The following SFI1 variants were observed in gnomAD, a reference collection of about 807,000 sequenced individuals.
SFI1 encodes SFI1 centrin binding protein, also known as protein SFI1 homolog.
SFI1 carries 195 observed loss-of-function variants against 207.5 expected under a neutral mutation model. The ratio of observed to expected loss-of-function variants is 0.94; its 90% confidence interval spans 0.84 to 1.06. SFI1 has a LOEUF of 1.06. Among genes scored for constraint, SFI1 ranks in the 50% least tolerant of loss-of-function variants. The pLI, the probability that SFI1 is intolerant of heterozygous loss-of-function variation, is 0.00. For missense variants in SFI1, 1,634 were observed against 1,588.0 expected (o/e 1.03, Z -0.49); for synonymous variants, 630 against 598.9 (o/e 1.05, Z -0.76).
At chr22:31,614,685 CCTGA>C in intron 27 of SFI1, 100 bp from the exon 28 acceptor site, 1 of 1,369,586 alleles carries the variant, frequency 7.3e-7, no homozygotes, top group Non-Finnish European at 1.0e-6. Flanking sequence ...CCTCGCCTTT[CCTGA>C]CTTTCAGTCT....
chr22:31,572,529 G>T (rs1454025722), intron 8 of SFI1, among the ~76,000 whole-genome samples: 2 of 151,862 alleles, frequency 1.3e-5, no homozygotes, highest in African/African-American at 2.4e-5. Context: ...TTTTGAGTTG[G>T]TCGCTCTTGT....
intron 8 of SFI1, among the ~76,000 whole-genome samples, chr22:31,567,820 C>G (rs992185264): frequency 6.6e-6 from 1 of 152,010 alleles, no homozygotes; most frequent in Non-Finnish European, 1.5e-5. Context: ...ACGAACATAT[C>G]AAGTTTGTGG....
intron 21 of SFI1, among the ~76,000 whole-genome samples, chr22:31,606,932 A>G (rs1382098614): frequency 1.3e-5 from 2 of 151,938 alleles, no homozygotes; most frequent in African/African-American, 2.4e-5. Flanking sequence ...TGATGACCTC[A>G]GGTGATCCAT....
rs2070834924 is a variant in SFI1, at chr22:31,613,833, G to A, written c.2974G>A (p.Glu992Lys). ...GGGAGCTCTGGGCCGCCTGGCTGCT[G>A]AGGAGCCCCACGCCCTGGAGCTGTG... ...PLGALGRLAA[E>K]EPHALELNTA... The change falls in exon 27 of 33, where the codon GAG (glutamate) becomes AAG (lysine). Residue 992 changes from glutamate (E) to lysine (K), a missense_variant. By Grantham distance (56) the Glu-to-Lys change is moderately conservative. Transcript: ENST00000400288. The A allele has an allele frequency of 6.2e-7, 1 of 1,608,228 alleles. No homozygotes were observed. The highest frequency in any genetic ancestry group is 8.5e-7 in the Non-Finnish European group (1 of 1,177,604).
chr22:31,578,953 G>A (rs2063797619), intron 11 of SFI1, among the ~76,000 whole-genome samples: 1 of 152,168 alleles, frequency 6.6e-6, no homozygotes, highest in East Asian at 1.9e-4. Context: ...GCATGGGGAA[G>A]TATGGGCAAA....
Position 31,583,817 on chromosome 22 carries a change from A to G in SFI1, c.1249-58A>G. On this transcript the variant is annotated intron_variant, in intron 12 of 32. Transcript: ENST00000400288. ...GAGCTCACAGTCTGTTGGAGTAAGG[A>G]TTCACTGTTTTACCTTTCATCTCAG... is the stretch of plus-strand genomic sequence containing the variant. The G allele has an allele frequency of 2.0e-6, 3 of 1,466,962 alleles. No individual in the cohort carries two copies. The East Asian group carries it at 6.8e-5, about 33-fold the overall frequency. 90.9% of individuals were successfully genotyped at this position (1,466,962 alleles called of 1,614,324 possible). A position where few individuals can be genotyped will look rare whatever the true frequency, so the allele number is the denominator to read the frequency against.
rs371501095 is a variant in SFI1 at position 31,611,164 on chromosome 22, A to G, written c.2276A>G (p.Gln759Arg). Residue 759 changes from glutamine (Q) to arginine (R), a missense_variant, in exon 23 of 33, where the codon CAG (glutamine) becomes CGG (arginine). Transcript: ENST00000400288. ...LDRGCLRTWF[Q>R]RWWDCSRRSA... ...TTAGGCTGTCTGCGGACCTGGTTTC[A>G]GCGCTGGTGGGACTGCAGCCGGAGG... 123 of 1,614,082 alleles carry G rather than the reference A, an allele frequency of 7.6e-5. No homozygotes were observed. Among genetic ancestry groups the G allele is most frequent in the Admixed American group, 3.7e-4 (22 of 60,010 alleles).
At position 31,585,147 on chromosome 22, in the gene SFI1, T is replaced by C. The variant is rs775981934; in HGVS notation, c.1413+13T>C. ...GCGGTACAAGCAGGTATGGAGTACT[T>C]TTTAGCAGATAGCTCTACTGGCTTA... On this transcript the variant is annotated intron_variant, in intron 14 of 32. Coordinates refer to ENST00000400288, the MANE Select transcript of SFI1 (RefSeq NM_001007467.3). The C allele has an allele frequency of 4.4e-6, 7 of 1,608,982 alleles. No individual in the cohort carries two copies. Among genetic ancestry groups the C allele is most frequent in the South Asian group, 2.2e-5 (2 of 90,804 alleles).
intron 8 of SFI1, among the ~76,000 whole-genome samples, chr22:31,565,309 C>T (rs183682332): frequency 1.3e-5 from 2 of 152,120 alleles, no homozygotes; most frequent in Non-Finnish European, 1.5e-5. Flanking sequence ...GTGGTACACT[C>T]CTGTAGTCCC....
intron 7 of SFI1, among the ~76,000 whole-genome samples, chr22:31,560,400 CT>C (rs398061887): frequency 0.031 from 3,862 of 125,448 alleles, 46 homozygotes; most frequent in South Asian, 0.073. Flanking sequence ...TGGTAATACT[CT>C]TTTTTTTTTT....
In SFI1 at chr22:31,604,404, G is replaced by T; in HGVS notation, c.1977G>T (p.Val659=). The T allele has an allele frequency of 6.6e-7, 1 of 1,523,930 alleles. No homozygotes were observed. Among genetic ancestry groups the T allele is most frequent in the South Asian group, 1.2e-5 (1 of 81,194 alleles). The allele number at this position is 1,523,930 out of a possible 1,614,324, so 94.4% of individuals were successfully genotyped here. ...SVLHRALQAW[V]TYQGRVRSIL... is the part of the protein sequence containing the mutation. ...TGCACAGGGCGCTGCAGGCATGGGT[G>T]GTAGGAACTGCTGCTTCCCTCCTGA... Residue 659 remains valine (V), a splice_region_variant and synonymous_variant, in exon 19 of 33, where the codon GTG becomes GTT. Coordinates refer to ENST00000400288, the MANE Select transcript of SFI1 (RefSeq NM_001007467.3).
At chr22:31,578,275 C>T in intron 10 of SFI1, 107 bp from the exon 11 acceptor site, 1 of 1,052,464 alleles carries the variant, frequency 9.5e-7, no homozygotes, top group South Asian at 2.2e-5. Flanking sequence ...GCCCACCTGG[C>T]ACGTGTGTTA....
intron 15 of SFI1, among the ~76,000 whole-genome samples, chr22:31,591,314 C>A (rs1357381525): frequency 6.6e-6 from 1 of 152,148 alleles, no homozygotes; most frequent in African/African-American, 2.4e-5. Flanking sequence ...GATCCCAAGG[C>A]AGAGGAATTT....
At chr22:31,575,033 TGG>T (rs1388456945) in intron 9 of SFI1, among the ~76,000 whole-genome samples, 196 bp from the exon 10 acceptor site, 1 of 145,432 alleles carries the variant, frequency 6.9e-6, no homozygotes, top group African/African-American at 2.6e-5. Context: ...CACTCCAGCC[TGG>T]GCAACAGAGC....
intron 11 of SFI1, among the ~76,000 whole-genome samples, chr22:31,578,931 T>C (rs1192971718): frequency 6.6e-6 from 1 of 152,152 alleles, no homozygotes; most frequent in Non-Finnish European, 1.5e-5. Context: ...TCTCAGAAAA[T>C]TGAAGCCTAA....
chr22:31,516,522 GA>G (rs200818192), intron 2 of SFI1, among the ~76,000 whole-genome samples: 7 of 141,504 alleles, frequency 4.9e-5, no homozygotes, highest in Admixed American at 7.1e-5. Context: ...AAGAAAGAAA[GA>G]AAAAAAAAAG....
rs753838623 is a variant in SFI1, at chr22:31,613,533, A to G, written c.2742+3A>G. 6.3e-7 allele frequency: 1 copy of G among 1,588,330 alleles called. No individual in the cohort carries two copies. The highest frequency in any genetic ancestry group is 1.1e-5 in the South Asian group (1 of 89,422). On this transcript the variant is annotated splice_donor_region_variant and intron_variant, in intron 26 of 32. Transcript: ENST00000400288. Reference sequence around the variant, plus strand: ...TGCAGGCCCAGCAGCAGGTCCAGGTAGGCCCAGGGCCCCTTCCTGTGGGGA... The same window carrying G: ...TGCAGGCCCAGCAGCAGGTCCAGGTGGGCCCAGGGCCCCTTCCTGTGGGGA...
chr22:31,600,276 A>G (rs2071808577), intron 15 of SFI1, among the ~76,000 whole-genome samples: 1 of 152,096 alleles, frequency 6.6e-6, no homozygotes, highest in South Asian at 2.1e-4. Flanking sequence ...TTACCCACAT[A>G]TTTTCCCTTT....
chr22:31,565,904 A>T (rs891559195), intron 8 of SFI1, among the ~76,000 whole-genome samples: 1 of 152,072 alleles, frequency 6.6e-6, no homozygotes, highest in Non-Finnish European at 1.5e-5. Flanking sequence ...CACGGCCTCA[A>T]GCAGTTCTTA....
Sources: allele counts gnomAD v4.1 joint callset (sites outside exome capture counted in the v4.1 genomes callset), GRCh38; gene constraint gnomAD v4.1.1; transcripts MANE v1.5; gene names NCBI Gene and HGNC (gene_info 2026-07-23, HGNC 2026-07-21).